The following CDHR2 variants were observed in gnomAD, a reference collection of about 807,000 sequenced individuals.
The protein encoded by CDHR2 is cadherin-related family member 2.
CDHR2 carries 104 observed loss-of-function variants against 138.6 expected under a neutral mutation model. The ratio of observed to expected loss-of-function variants is 0.75; its 90% confidence interval spans 0.64 to 0.88. The LOEUF (loss-of-function observed/expected upper bound fraction) is 0.88, where lower values mean the gene tolerates loss of function less well. CDHR2 is among the 40% of genes least tolerant of loss of function. The pLI is 0.00. For synonymous variants in CDHR2, 755 were observed against 742.8 expected, an observed-to-expected ratio of 1.02 and a Z score of -0.27; for missense variants, 1,624 against 1,727.6, an observed-to-expected ratio of 0.94 and a Z score of 1.06.
intron 3 of CDHR2, 60 bp from the exon 4 acceptor site, chr5:176,568,618 G>C: frequency 6.3e-7 from 1 of 1,588,452 alleles, no homozygotes. Flanking sequence ...CAGCCAGCTT[G>C]GCCAGACCAG....
At position 176,584,672 on chromosome 5, in the gene CDHR2, T is replaced by C. The variant is rs767780903; in HGVS notation, c.2391T>C (p.Asn797=). The change falls in exon 19 of 32, where the codon AAT becomes AAC. Residue 797 remains asparagine, a synonymous_variant. Transcript: ENST00000261944. ...AGACCATAGTAGACGTCTGCGTGAA[T>C]GTGAAAGACGTGAACGACAATCCCC... ...GGETIVDVCV[N]VKDVNDNPPT... 2 of 1,614,064 alleles carry C rather than the reference T, an allele frequency of 1.2e-6. No individual in the cohort carries two copies. Among genetic ancestry groups the C allele is most frequent in the South Asian group, 1.1e-5 (1 of 91,076 alleles).
chr5:176,557,854 C>G (rs959382050), intron 1 of CDHR2, among the ~76,000 whole-genome samples: 1 of 151,614 alleles, frequency 6.6e-6, no homozygotes, highest in Admixed American at 6.6e-5. Flanking sequence ...GTTACAGGAG[C>G]CCGCCACCAT....
At chr5:176,567,164 G>T in intron 3 of CDHR2, 1 of 318,422 alleles carries the variant, frequency 3.1e-6, no homozygotes, top group South Asian at 2.3e-5. Context: ...AGGGAGGAGT[G>T]CACAGGACTT....
chr5:176,560,364 C>T (rs998626446), intron 1 of CDHR2, among the ~76,000 whole-genome samples: 2 of 151,688 alleles, frequency 1.3e-5, no homozygotes, highest in African/African-American at 4.8e-5. Flanking sequence ...CTACTGCACT[C>T]CAGCCTGGGC....
In CDHR2 at chr5:176,592,834, G is replaced by A. The variant is rs1466885502; in HGVS notation, c.3792+54G>A. On this transcript the variant is annotated intron_variant, in intron 31 of 31. Coordinates refer to ENST00000261944, the MANE Select transcript of CDHR2 (RefSeq NM_017675.6). ...AGGTTCCAACTTGGGTTCTTCTGTG[G>A]AGGCTTCAGGGCAGAGCTCAAGGGA... is the stretch of plus-strand genomic sequence containing the variant. 5 of 1,491,290 alleles carry A rather than the reference G, an allele frequency of 3.4e-6. No homozygotes were observed. In the Admixed American group the frequency reaches 5.0e-5, roughly 15 times the overall value. 92.4% of individuals were successfully genotyped at this position (1,491,290 alleles called of 1,614,324 possible).
chr5:176,592,174 G>A (rs1758885402), intron 30 of CDHR2, among the ~76,000 whole-genome samples: 1 of 148,182 alleles, frequency 6.7e-6, no homozygotes, highest in African/African-American at 2.5e-5. Context: ...GGTGGTGGTG[G>A]TGTTGGTGTT....
chr5:176,582,291 A>T (rs1441689915), intron 17 of CDHR2, among the ~76,000 whole-genome samples: 1 of 152,166 alleles, frequency 6.6e-6, no homozygotes, highest in African/African-American at 2.4e-5. Flanking sequence ...AGTAGCTAAG[A>T]CTAAAGATGC....
rs1006188074 is a variant in CDHR2, at chr5:176,542,963, G to A, written c.-16+194G>A. On this transcript the variant is annotated intron_variant, in intron 1 of 31. Transcript: ENST00000510636. Reference sequence around the variant, plus strand: ...GCCGGACGCCTGGGTCCCAGCCGCAGCTGGGACTCGCCGGGGGTGGCGGTC... The same window carrying A: ...GCCGGACGCCTGGGTCCCAGCCGCAACTGGGACTCGCCGGGGGTGGCGGTC... Among the ~76,000 whole-genome samples, 10 of 151,916 alleles carry A rather than the reference G, an allele frequency of 6.6e-5. No homozygotes were observed. The East Asian group carries it at 1.9e-3, about 30-fold the overall frequency.
chr5:176,568,604 C>A, intron 3 of CDHR2, 74 bp from the exon 4 acceptor site: 1 of 1,557,674 alleles, frequency 6.4e-7, no homozygotes, highest in Non-Finnish European at 8.7e-7. Context: ...CCAGCCCAGC[C>A]TCACAGCCAG....
intron 1 of CDHR2, chr5:176,556,746 A>G (rs1757836142): frequency 2.0e-5 from 3 of 152,332 alleles, no homozygotes; most frequent in East Asian, 3.9e-4. Context: ...ATTTATCACA[A>G]CAGGTTACAG....
chr5:176,546,614 A>T (rs942766916), upstream of CDHR2, among the ~76,000 whole-genome samples: 4 of 151,918 alleles, frequency 2.6e-5, no homozygotes, highest in Non-Finnish European at 4.4e-5. Flanking sequence ...AAAAATAATA[A>T]AAATAAAATG....
rs1758355801 is a variant in CDHR2, at chr5:176,575,584, G to A, written c.844+3G>A. The stretch of plus-strand genomic sequence containing the variant: ...CCCTGTGATCTACAGCATCTCCTGT[G>A]AGAACGGGGTGTCCCCAGGCCAGGG... On this transcript the variant is annotated splice_donor_region_variant and intron_variant, in intron 10 of 31. Coordinates refer to ENST00000261944, the MANE Select transcript of CDHR2 (RefSeq NM_017675.6). 1 of 1,614,064 alleles carries A rather than the reference G, an allele frequency of 6.2e-7. No individual in the cohort carries two copies. Among genetic ancestry groups the A allele is most frequent in the Non-Finnish European group, 8.5e-7 (1 of 1,179,932 alleles).
intron 16 of CDHR2, among the ~76,000 whole-genome samples, chr5:176,579,479 T>A (rs1214072981): frequency 3.3e-5 from 5 of 152,244 alleles, no homozygotes; most frequent in Middle Eastern, 3.4e-3. Context: ...TCCTTCCTGC[T>A]TGGCACTTCT....
At chr5:176,561,447 T>C (rs1007488656) in intron 1 of CDHR2, among the ~76,000 whole-genome samples, 9 of 152,054 alleles carry the variant, frequency 5.9e-5, no homozygotes. Context: ...GTCACAAAGG[T>C]GCATCAGACG....
chr5:176,559,805 C>G (rs944199960), intron 1 of CDHR2, among the ~76,000 whole-genome samples: 2 of 152,174 alleles, frequency 1.3e-5, no homozygotes, highest in East Asian at 1.9e-4. Flanking sequence ...GCCCCTCCCC[C>G]ATCAGGAGAC....
In CDHR2 at chr5:176,589,396, A is replaced by G; in HGVS notation, c.3075A>G (p.Arg1025=). ...TYQVTVQARD[R]PSLGPFLEAT... ...AAGTGACAGTCCAGGCCAGGGACAGACCTTCCTTGGGTCCTTTCCTGGAAG... is the reference window on the plus strand; with the variant it reads ...AAGTGACAGTCCAGGCCAGGGACAGGCCTTCCTTGGGTCCTTTCCTGGAAG... Residue 1025 remains arginine (R), a synonymous_variant, in exon 23 of 32, where the codon AGA becomes AGG. Coordinates refer to ENST00000261944, the MANE Select transcript of CDHR2 (RefSeq NM_017675.6). The G allele has an allele frequency of 6.4e-7, 1 of 1,574,300 alleles. No individual in the cohort carries two copies. Among genetic ancestry groups the G allele is most frequent in the South Asian group, 1.2e-5 (1 of 83,406 alleles).
At chr5:176,548,911 C>T (rs942159531), upstream of CDHR2, among the ~76,000 whole-genome samples, 39 of 152,272 alleles carry the variant, frequency 2.6e-4, no homozygotes, top group African/African-American at 9.4e-4. Context: ...GAGAACCTCA[C>T]AGGGGCTGGT....
At chr5:176,551,922 G>T (rs1293137425) in intron 1 of CDHR2, among the ~76,000 whole-genome samples, 4 of 151,244 alleles carry the variant, frequency 2.6e-5, no homozygotes, top group African/African-American at 9.7e-5. Context: ...CACCATGTTA[G>T]CCAGGATGGT....
At position 176,578,486 on chromosome 5, in the gene CDHR2, CTGT is replaced by C. The variant is rs1214536034; in HGVS notation, c.1697_1699del (p.Leu566_Ser567delinsPro). The stretch of plus-strand genomic sequence containing the variant: ...GCTGCAGGCCACAGACGGCGGGAAC[CTGT>C]CCTCCTCCACCACACTGCAGATCCA... On this transcript the variant is annotated inframe_deletion, in exon 16 of 32. Coordinates refer to ENST00000261944, the MANE Select transcript of CDHR2 (RefSeq NM_017675.6). 1.9e-6 allele frequency: 3 copies of C among 1,613,844 alleles called. No homozygotes were observed. The highest frequency in any genetic ancestry group is 2.5e-6 in the Non-Finnish European group (3 of 1,179,894).
Sources: gnomAD v4.1 joint callset for allele counts (sites outside exome capture counted in the v4.1 genomes callset) on GRCh38, gnomAD v4.1.1 for gene constraint, MANE v1.5 for transcripts, NCBI Gene and HGNC (gene_info 2026-07-23, HGNC 2026-07-21) for gene names.